Variants in NKAIN3 observed in about 807,000 individuals in gnomAD.
The protein encoded by NKAIN3 is sodium/potassium transporting ATPase interacting 3.
A neutral mutation model predicts 30.2 loss-of-function variants in NKAIN3; 25 were observed. The observed-to-expected ratio is 0.83, with a 90% confidence interval of 0.60 to 1.16. NKAIN3 has a LOEUF of 1.16. Ranked by LOEUF, NKAIN3 falls within the 50% of genes most tolerant of loss-of-function variation. The pLI, the probability that NKAIN3 is intolerant of heterozygous loss-of-function variation, is 0.00. For missense variants in NKAIN3, 225 were observed against 254.1 expected (o/e 0.89, Z 0.78); for synonymous variants, 91 against 89.6 (o/e 1.02, Z -0.09).
rs987602530 is a variant in NKAIN3, at chr8:62,965,833, G to A, written c.*426G>A. The stretch of plus-strand genomic sequence containing the variant: ...GAATTTGTTTTAGCAGACATTACCT[G>A]TGGTTATCAGCCACCAAGGTAGACC... On this transcript the variant is annotated 3_prime_UTR_variant, in exon 7 of 7. Transcript: ENST00000623646. 4 of 984,902 alleles carry A rather than the reference G, an allele frequency of 4.1e-6. No individual in the cohort carries two copies. The African/African-American group carries it at 7.0e-5, about 17-fold the overall frequency. The allele number at this position is 984,902 out of a possible 1,614,324, so 61.0% of individuals were successfully genotyped here.
chr8:62,417,612 T>G (rs1335679878), intron 1 of NKAIN3, among the ~76,000 whole-genome samples: 1 of 152,190 alleles, frequency 6.6e-6, no homozygotes, highest in Non-Finnish European at 1.5e-5. Context: ...GTTCTCTTTT[T>G]TCCACATTCT....
intron 4 of NKAIN3, among the ~76,000 whole-genome samples, chr8:62,905,683 C>T (rs1821753082): frequency 1.3e-5 from 2 of 152,170 alleles, no homozygotes; most frequent in South Asian, 2.1e-4. Flanking sequence ...GTGTTCAACG[C>T]TCACTCATTG....
intron 4 of NKAIN3, among the ~76,000 whole-genome samples, chr8:62,782,877 T>C (rs1383290202): frequency 6.6e-6 from 1 of 151,544 alleles, no homozygotes; most frequent in Non-Finnish European, 1.5e-5. Flanking sequence ...TAATGTTTGT[T>C]AGCAGACTAA....
chr8:62,310,529 A>G (rs1015622766), intron 1 of NKAIN3, among the ~76,000 whole-genome samples: 4 of 150,748 alleles, frequency 2.7e-5, no homozygotes, highest in East Asian at 3.9e-4. Flanking sequence ...CCTACCCTAC[A>G]GTTGCTGCTA....
intron 3 of NKAIN3, among the ~76,000 whole-genome samples, chr8:62,591,532 C>A (rs2059809416): frequency 6.6e-6 from 1 of 151,872 alleles, no homozygotes; most frequent in African/African-American, 2.4e-5. Context: ...CACTGCTATT[C>A]AAGGTTATTT....
At chr8:62,899,818 GCATT>G (rs551895790) in intron 4 of NKAIN3, among the ~76,000 whole-genome samples, 211 of 152,148 alleles carry the variant, frequency 1.4e-3, no homozygotes, top group African/African-American at 4.9e-3. Context: ...GGATTATTAT[GCATT>G]CCATGCCTGT....
chr8:62,909,142 C>T (rs1435984162), intron 4 of NKAIN3, among the ~76,000 whole-genome samples: 2 of 152,142 alleles, frequency 1.3e-5, no homozygotes, highest in Non-Finnish European at 1.5e-5. Context: ...TGGTTATCCT[C>T]CTAGTACCTA....
chr8:62,347,078 C>T (rs866418267), intron 1 of NKAIN3, among the ~76,000 whole-genome samples: 4 of 152,110 alleles, frequency 2.6e-5, no homozygotes, highest in African/African-American at 9.7e-5. Flanking sequence ...ACAAGTGATG[C>T]TTTCCCATAC....
chr8:62,429,037 C>A, intron 1 of NKAIN3, among the ~76,000 whole-genome samples: 1 of 151,922 alleles, frequency 6.6e-6, no homozygotes, highest in East Asian at 1.9e-4. Flanking sequence ...TAGCTTCATT[C>A]TTCTGCATAT....
At chr8:62,278,585 G>A (rs1002023881) in intron 1 of NKAIN3, among the ~76,000 whole-genome samples, 2 of 93,322 alleles carry the variant, frequency 2.1e-5, no homozygotes, top group African/African-American at 3.5e-5. Context: ...GTGTCCAAGT[G>A]TTCTCATTGT....
At chr8:62,627,147 G>A (rs897577274) in intron 3 of NKAIN3, among the ~76,000 whole-genome samples, 1 of 152,132 alleles carries the variant, frequency 6.6e-6, no homozygotes, top group Non-Finnish European at 1.5e-5. Flanking sequence ...CGGTGTTCAA[G>A]TTGTGGCTCT....
chr8:62,386,792 T>C (rs1480058283), intron 1 of NKAIN3, among the ~76,000 whole-genome samples: 1 of 152,124 alleles, frequency 6.6e-6, no homozygotes, highest in African/African-American at 2.4e-5. Context: ...CAAGTTATCT[T>C]ACCTTTCTAA....
chr8:62,653,255 G>GGGCC (rs1812676490), intron 3 of NKAIN3, among the ~76,000 whole-genome samples: 2 of 152,154 alleles, frequency 1.3e-5, no homozygotes, highest in South Asian at 2.1e-4. Context: ...GGCTTGCAGA[G>GGGCC]GGCCACCTTC....
chr8:62,869,209 T>C (rs1820514519), intron 4 of NKAIN3, among the ~76,000 whole-genome samples: 1 of 152,206 alleles, frequency 6.6e-6, no homozygotes. Flanking sequence ...GTTTGTTATA[T>C]AGGTATGCAT....
At chr8:62,992,381 G>C (rs974654653) in intron 5 of NKAIN3, among the ~76,000 whole-genome samples, 18 of 151,954 alleles carry the variant, frequency 1.2e-4, no homozygotes, top group Admixed American at 5.9e-4. Context: ...ACTTGGGGAT[G>C]CCCCTCTCTA....
Position 62,970,495 on chromosome 8 carries a change from G to A in NKAIN3, c.*5088G>A, listed in dbSNP as rs1319532212. Among the ~76,000 whole-genome samples, 2 of 152,102 alleles carry A rather than the reference G, an allele frequency of 1.3e-5. No individual in the cohort carries two copies. Among genetic ancestry groups the A allele is most frequent in the Non-Finnish European group, 2.9e-5 (2 of 68,008 alleles). On this transcript the variant is annotated 3_prime_UTR_variant, in exon 7 of 7. Transcript: ENST00000623646. ...TCTTGAACTTGCATTCAAATAAAGGGTAAAAATCATGTTAAATGCTAAACA... is the reference window on the plus strand; with the variant it reads ...TCTTGAACTTGCATTCAAATAAAGGATAAAAATCATGTTAAATGCTAAACA...
chr8:62,837,034 G>A (rs1819386932), intron 4 of NKAIN3, among the ~76,000 whole-genome samples: 1 of 152,108 alleles, frequency 6.6e-6, no homozygotes, highest in Non-Finnish European at 1.5e-5. Context: ...TCAGTGTCCT[G>A]CCTCTGTTTG....
chr8:62,249,160 G>A, intron 1 of NKAIN3, 33 bp downstream of exon 1: 2 of 1,510,994 alleles, frequency 1.3e-6, no homozygotes, highest in South Asian at 1.2e-5. Flanking sequence ...CCCCAGGACA[G>A]GTCCCTGCTC....
chr8:62,575,301 A>T (rs1810074774), intron 1 of NKAIN3, among the ~76,000 whole-genome samples: 1 of 152,178 alleles, frequency 6.6e-6, no homozygotes, highest in Non-Finnish European at 1.5e-5. Flanking sequence ...TACAAAAATC[A>T]GTAGCATTTC....
Sources: allele counts gnomAD v4.1 joint callset (sites outside exome capture counted in the v4.1 genomes callset), GRCh38; gene constraint gnomAD v4.1.1; transcripts MANE v1.5; gene names NCBI Gene and HGNC (gene_info 2026-07-23, HGNC 2026-07-21).